Variants in CCDC146 observed in about 807,000 individuals in gnomAD.
The protein encoded by CCDC146 is coiled-coil domain containing 146.
Under a neutral mutation model 119.3 loss-of-function variants are expected in CCDC146, and 92 were observed. The observed-to-expected ratio is 0.77, with a 90% confidence interval of 0.65 to 0.92. The LOEUF (loss-of-function observed/expected upper bound fraction) is 0.92, where lower values mean the gene tolerates loss of function less well. CCDC146 is among the 40% of genes least tolerant of loss of function. CCDC146 has a pLI of 0.00. For missense variants in CCDC146, 1,000 were observed against 1,103.0 expected (o/e 0.91, Z 1.32); for synonymous variants, 372 against 371.8 (o/e 1.00, Z -0.01).
chr7:77,145,185 G>A lies in CCDC146; in HGVS notation c.-12+22453G>A, dbSNP rs1251040304. ...TCCAGGAATTTATCCATTTCTTCTA[G>A]ATTTTCTAGTTTATTTGCATAGGGT... On this transcript the variant is annotated intron_variant, in intron 1 of 18. Transcript: ENST00000285871. 3.3e-5 allele frequency among the ~76,000 whole-genome samples: 5 copies of A among 151,838 alleles called. No homozygotes were observed. The South Asian group carries it at 8.3e-4, about 25-fold the overall frequency.
At chr7:77,181,620 A>AT (rs1329032825) in intron 2 of CCDC146, among the ~76,000 whole-genome samples, 3 of 152,016 alleles carry the variant, frequency 2.0e-5, no homozygotes, top group Non-Finnish European at 2.9e-5. Context: ...TTTTTTTCCC[A>AT]TTTTTTCCAC....
intron 1 of CCDC146, among the ~76,000 whole-genome samples, chr7:77,144,576 T>C (rs1441350800): frequency 6.6e-6 from 1 of 151,766 alleles, no homozygotes; most frequent in African/African-American, 2.4e-5. Context: ...CTCTTATTAT[T>C]TTGAGATACA....
intron 16 of CCDC146, 129 bp downstream of exon 16, chr7:77,287,055 T>C (rs1562863216): frequency 4.0e-6 from 4 of 1,003,432 alleles, no homozygotes; most frequent in Non-Finnish European, 4.4e-6. Context: ...ATATAGTCCT[T>C]TTGTTGTAAT....
chr7:77,161,596 A>G (rs1337691580), intron 1 of CCDC146, among the ~76,000 whole-genome samples: 3 of 136,292 alleles, frequency 2.2e-5, no homozygotes, highest in Admixed American at 8.6e-5. Context: ...ATGAGAACAC[A>G]TGGACCCAGG....
At chr7:77,163,756 G>T (rs1369029379) in intron 1 of CCDC146, among the ~76,000 whole-genome samples, 1 of 151,866 alleles carries the variant, frequency 6.6e-6, no homozygotes, top group African/African-American at 2.4e-5. Context: ...CTCATGAATT[G>T]ATATTTGTTG....
chr7:77,138,774 C>T (rs976955302), intron 1 of CCDC146, among the ~76,000 whole-genome samples: 2 of 152,196 alleles, frequency 1.3e-5, no homozygotes, highest in African/African-American at 4.8e-5. Flanking sequence ...TGAATACATG[C>T]TTCACATTGC....
intron 1 of CCDC146, among the ~76,000 whole-genome samples, chr7:77,166,006 C>T (rs1050422709): frequency 9.2e-5 from 14 of 152,140 alleles, no homozygotes; most frequent in Non-Finnish European, 2.9e-5. Context: ...GCTTATGAAG[C>T]TTTGAATAAA....
chr7:77,252,869 TCAA>T (rs1793102486), intron 4 of CCDC146, among the ~76,000 whole-genome samples: 1 of 152,224 alleles, frequency 6.6e-6, no homozygotes, highest in South Asian at 2.1e-4. Context: ...CCTTCCAAGT[TCAA>T]CATGGCTGGG....
chr7:77,261,609 C>G (rs1166687385), intron 8 of CCDC146, among the ~76,000 whole-genome samples: 1 of 151,936 alleles, frequency 6.6e-6, no homozygotes, highest in Non-Finnish European at 1.5e-5. Context: ...TCCCGAGTAG[C>G]TGGGACTACA....
intron 2 of CCDC146, among the ~76,000 whole-genome samples, chr7:77,191,637 A>G (rs12704822): frequency 0.11 from 17,244 of 152,196 alleles, 1,260 homozygotes; most frequent in Non-Finnish European, 0.17. Context: ...GGCCTGGCGC[A>G]GTGGCTCACG....
At chr7:77,292,875 T>C (rs1793975551) in intron 17 of CCDC146, 77 bp from the exon 18 acceptor site, 14 of 1,488,274 alleles carry the variant, frequency 9.4e-6, no homozygotes, top group Non-Finnish European at 9.9e-6. Flanking sequence ...CCCGCCATTA[T>C]AGACAGCCAG....
intron 2 of CCDC146, among the ~76,000 whole-genome samples, chr7:77,226,485 C>T (rs1196691598): frequency 6.6e-6 from 1 of 152,212 alleles, no homozygotes; most frequent in Non-Finnish European, 1.5e-5. Context: ...GCTATTACTT[C>T]CTTGAAATGT....
At chr7:77,213,423 A>G (rs1792227703) in intron 2 of CCDC146, among the ~76,000 whole-genome samples, 1 of 152,200 alleles carries the variant, frequency 6.6e-6, no homozygotes, top group African/African-American at 2.4e-5. Context: ...TATAATGTAT[A>G]GTAATCAGAT....
At chr7:77,188,030 A>T (rs1791699430) in intron 2 of CCDC146, among the ~76,000 whole-genome samples, 1 of 152,170 alleles carries the variant, frequency 6.6e-6, no homozygotes, top group South Asian at 2.1e-4. Flanking sequence ...CCGAGCTGTA[A>T]CCAGTCTTTT....
At chr7:77,149,784 AG>A (rs1219707267) in intron 1 of CCDC146, among the ~76,000 whole-genome samples, 6 of 133,816 alleles carry the variant, frequency 4.5e-5, no homozygotes, top group African/African-American at 1.9e-4. Context: ...GAAAAAAAAA[AG>A]CGAGAGAGAG....
chr7:77,197,075 A>T, intron 2 of CCDC146: 1 of 771,656 alleles, frequency 1.3e-6, no homozygotes, highest in Non-Finnish European at 2.1e-6. Context: ...GCAGTTTGAT[A>T]ATTGAATCAA....
intron 4 of CCDC146, among the ~76,000 whole-genome samples, chr7:77,249,811 T>C (rs992557785): frequency 2.6e-5 from 4 of 152,256 alleles, no homozygotes; most frequent in Non-Finnish European, 4.4e-5. Flanking sequence ...AAATGATTAC[T>C]GTTGTAGTTG....
chr7:77,184,487 A>T (rs994267866), intron 2 of CCDC146, among the ~76,000 whole-genome samples: 3 of 152,208 alleles, frequency 2.0e-5, no homozygotes, highest in Non-Finnish European at 4.4e-5. Context: ...ATAGGATAGA[A>T]ATTTAAAAGT....
chr7:77,208,830 C>T (rs866617773), intron 2 of CCDC146, among the ~76,000 whole-genome samples: 39 of 152,320 alleles, frequency 2.6e-4, no homozygotes, highest in African/African-American at 8.9e-4. Context: ...ACCTCAGCTT[C>T]CCAAGTAGCT....
Sources: gnomAD v4.1 joint callset for allele counts (sites outside exome capture counted in the v4.1 genomes callset) on GRCh38, gnomAD v4.1.1 for gene constraint, MANE v1.5 for transcripts, NCBI Gene and HGNC (gene_info 2026-07-23, HGNC 2026-07-21) for gene names.